Variants in ADGRL2 observed in about 807,000 individuals in gnomAD.
ADGRL2 encodes the protein calcium-independent alpha-latrotoxin receptor 2.
Under a neutral mutation model 157.4 loss-of-function variants are expected in ADGRL2, and 44 were observed. That is an observed-to-expected ratio of 0.28 (90% CI 0.22 to 0.36). ADGRL2 has a LOEUF of 0.36. ADGRL2 is among the 10% of genes least tolerant of loss of function. The pLI, the probability that ADGRL2 is intolerant of heterozygous loss-of-function variation, is 1.00. For missense variants in ADGRL2, 1,510 were observed against 1,768.9 expected (o/e 0.85, Z 2.63); for synonymous variants, 585 against 624.7 (o/e 0.94, Z 0.95).
chr1:81,598,694 T>C (rs867511718), intron 3 of ADGRL2, among the ~76,000 whole-genome samples: 1 of 152,230 alleles, frequency 6.6e-6, no homozygotes, highest in Non-Finnish European at 1.5e-5. Flanking sequence ...GGAAACATTA[T>C]GTGGAAAAGT....
At chr1:81,710,158 G>A (rs2083876060) in intron 1 of ADGRL2, among the ~76,000 whole-genome samples, 2 of 152,214 alleles carry the variant, frequency 1.3e-5, no homozygotes, top group South Asian at 4.2e-4. Context: ...TGGCATTATA[G>A]GCAATATTCA....
In ADGRL2 at chr1:81,990,891, C is replaced by T. The variant is rs200003266; in HGVS notation, c.4156C>T (p.Pro1386Ser). 6.2e-7 allele frequency: 1 copy of T among 1,614,056 alleles called. No individual in the cohort carries two copies. Among genetic ancestry groups the T allele is most frequent in the Non-Finnish European group, 8.5e-7 (1 of 1,180,002 alleles). Reference protein sequence around the residue: ...PNRDSLYTSMPNLRDSPYPES... With the variant: ...PNRDSLYTSMSNLRDSPYPES... ...CAGAGACTCTCTTTATACAAGCATG[C>T]CCAATCTTAGAGACTCTCCCTATCC... The change falls in exon 24 of 24, where the codon CCC becomes TCC. Residue 1386 changes from proline (P) to serine (S), a missense_variant. By Grantham distance (74) the Pro-to-Ser change is moderately conservative (BLOSUM62 -1). Transcript: ENST00000686636.
chr1:81,970,597 G>A (rs1327022), intron 16 of ADGRL2, 63 bp downstream of exon 16: 469,505 of 1,225,506 alleles, frequency 0.38, 93,423 homozygotes, highest in East Asian at 0.67. Context: ...CCTGTTAGCT[G>A]TCAGTGAGGG....
At chr1:81,579,264 T>C (rs1350269788) in intron 2 of ADGRL2, 2 of 152,188 alleles carry the variant, frequency 1.3e-5, no homozygotes, top group Non-Finnish European at 2.9e-5. Flanking sequence ...ATGTATATAA[T>C]ACATTCCATC....
chr1:81,716,658 C>A (rs1050305262), intron 1 of ADGRL2, among the ~76,000 whole-genome samples: 5 of 152,174 alleles, frequency 3.3e-5, no homozygotes, highest in African/African-American at 9.6e-5. Context: ...ACACCACCAC[C>A]ACCATCAACA....
intron 3 of ADGRL2, among the ~76,000 whole-genome samples, chr1:81,912,206 G>A (rs1292316162): frequency 6.6e-6 from 1 of 151,808 alleles, no homozygotes; most frequent in Non-Finnish European, 1.5e-5. Flanking sequence ...CAAGTAGCTG[G>A]GATTATAGGC....
chr1:81,826,885 T>TTA (rs921479437), intron 1 of ADGRL2, among the ~76,000 whole-genome samples: 1 of 152,200 alleles, frequency 6.6e-6, no homozygotes, highest in Non-Finnish European at 1.5e-5. Flanking sequence ...CTCTTTTGTC[T>TTA]TATATATATA....
chr1:81,420,907 G>A (rs988578107), intron 1 of ADGRL2, among the ~76,000 whole-genome samples: 1 of 152,142 alleles, frequency 6.6e-6, no homozygotes, highest in Admixed American at 6.5e-5. Flanking sequence ...GCACTGTGGT[G>A]TATTTCCCTG....
At position 81,690,255 on chromosome 1, in the gene ADGRL2, G is replaced by A. The variant is rs185590437; in HGVS notation, c.-142-71556G>A. Reference sequence around the variant, plus strand: ...CACCTGTAATCCCAGCACTTCAGGAGGCCAAGGTGGGCACATCACTTGAGG... The same window carrying A: ...CACCTGTAATCCCAGCACTTCAGGAAGCCAAGGTGGGCACATCACTTGAGG... On this transcript the variant is annotated intron_variant, in intron 3 of 24. Coordinates refer to the ADGRL2 transcript ENST00000370721. 4.2e-3 allele frequency among the ~76,000 whole-genome samples: 637 copies of A among 152,296 alleles called. 2 individuals are homozygous for A. The highest frequency in any genetic ancestry group is 6.9e-3 in the Admixed American group (106 of 15,294).
chr1:81,664,723 A>T (rs1299389417), intron 3 of ADGRL2, among the ~76,000 whole-genome samples: 1 of 152,202 alleles, frequency 6.6e-6, no homozygotes, highest in Non-Finnish European at 1.5e-5. Context: ...ATTTTAGTCT[A>T]CAAATGATAT....
At chr1:81,510,844 T>C (rs1557746533) in intron 2 of ADGRL2, among the ~76,000 whole-genome samples, 1 of 152,228 alleles carries the variant, frequency 6.6e-6, no homozygotes, top group East Asian at 1.9e-4. Flanking sequence ...AGGCTCCTTC[T>C]ACGAAACTAT....
At chr1:81,434,648 A>T (rs912957347) in intron 1 of ADGRL2, among the ~76,000 whole-genome samples, 1 of 152,170 alleles carries the variant, frequency 6.6e-6, no homozygotes, top group Non-Finnish European at 1.5e-5. Context: ...ACAAACAGGG[A>T]GGTTGACATT....
At chr1:81,554,006 G>A (rs539991056) in intron 2 of ADGRL2, among the ~76,000 whole-genome samples, 1 of 152,282 alleles carries the variant, frequency 6.6e-6, no homozygotes, top group Non-Finnish European at 1.5e-5. Context: ...CACAAGTTTG[G>A]AGAATATGGG....
chr1:81,818,718 T>A (rs1283774360), intron 1 of ADGRL2, among the ~76,000 whole-genome samples: 1 of 152,122 alleles, frequency 6.6e-6, no homozygotes, highest in African/African-American at 2.4e-5. Flanking sequence ...TTGTGAAATA[T>A]TTGCACAAAT....
chr1:81,404,672 T>A (rs2076821907), intron 1 of ADGRL2, among the ~76,000 whole-genome samples: 1 of 152,168 alleles, frequency 6.6e-6, no homozygotes, highest in South Asian at 2.1e-4. Context: ...ATAGTTAACT[T>A]TTTAATCCAT....
In ADGRL2 at chr1:81,462,156, G is replaced by A. The variant is rs551732144; in HGVS notation, c.-248+17067G>A. On this transcript the variant is annotated intron_variant, in intron 2 of 24. Transcript: ENST00000370721. ...GGACCAATCAGCACTCTGTAAAATG[G>A]ACCAATCACACTCTGTAAGATGGAC... 3.3e-5 allele frequency among the ~76,000 whole-genome samples: 5 copies of A among 151,916 alleles called. No individual in the cohort carries two copies. In the South Asian group the frequency reaches 1.0e-3, roughly 32 times the overall value.
intron 3 of ADGRL2, among the ~76,000 whole-genome samples, chr1:81,617,126 C>A (rs2081673447): frequency 6.6e-6 from 1 of 152,234 alleles, no homozygotes; most frequent in Non-Finnish European, 1.5e-5. Flanking sequence ...CTATTAGGAA[C>A]CTGGTTGCAT....
At chr1:81,474,640 A>G (rs949002518) in intron 2 of ADGRL2, among the ~76,000 whole-genome samples, 1 of 152,198 alleles carries the variant, frequency 6.6e-6, no homozygotes, top group African/African-American at 2.4e-5. Context: ...GAGTAGAGTC[A>G]AATCACTACA....
chr1:81,514,466 G>A (rs543070764), intron 2 of ADGRL2, among the ~76,000 whole-genome samples: 2 of 152,258 alleles, frequency 1.3e-5, no homozygotes, highest in Non-Finnish European at 2.9e-5. Flanking sequence ...TAAGTTTCCA[G>A]GGGTGCAAAA....
Sources: allele counts gnomAD v4.1 joint callset (sites outside exome capture counted in the v4.1 genomes callset), GRCh38; gene constraint gnomAD v4.1.1; transcripts MANE v1.5; gene names NCBI Gene and HGNC (gene_info 2026-07-23, HGNC 2026-07-21).